Variants in HDAC9 observed in about 807,000 individuals in gnomAD.
The protein encoded by HDAC9 is histone deacetylase 9, also known as MEF-2 interacting transcription repressor (MITR) protein.
A neutral mutation model predicts 139.4 loss-of-function variants in HDAC9; 41 were observed. The ratio of observed to expected loss-of-function variants is 0.29; its 90% CI spans 0.23 to 0.38. The LOEUF is 0.38. Among genes scored for constraint, HDAC9 ranks in the 10% least tolerant of loss-of-function variants. HDAC9 has a pLI of 1.00. For synonymous variants in HDAC9, 517 were observed against 476.2 expected (o/e 1.09, Z -1.12); for missense variants, 1,147 against 1,297.0 (o/e 0.88, Z 1.78).
At position 18,666,303 on chromosome 7, in the gene HDAC9, G is replaced by C; in HGVS notation, c.1558G>C (p.Glu520Gln). 1 of 1,613,486 alleles carries C rather than the reference G, an allele frequency of 6.2e-7. No homozygotes were observed. The change falls in exon 12 of 26, where the codon GAA (glutamate) becomes CAA (glutamine). Residue 520 changes from glutamate to glutamine, a missense_variant. Glu to Gln is a conservative substitution (Grantham distance 29, BLOSUM62 2). Coordinates refer to ENST00000686413, the MANE Select transcript of HDAC9 (RefSeq NM_178425.4). ...EELQGDQAMQ[E>Q]DRAPSSGNST... is the part of the protein sequence containing the mutation. ...GCTTCAGGGGGACCAGGCGATGCAG[G>C]AAGACAGAGCGCCCTCTAGTGGCAA...
chr7:18,712,103 C>G (rs1049791412), intron 12 of HDAC9, among the ~76,000 whole-genome samples: 2 of 152,006 alleles, frequency 1.3e-5, no homozygotes, highest in African/African-American at 4.8e-5. Flanking sequence ...TTGCCCATAG[C>G]CAGTCTTTGA....
At chr7:18,311,273 C>A (rs922362263) in intron 1 of HDAC9, among the ~76,000 whole-genome samples, 6 of 151,958 alleles carry the variant, frequency 3.9e-5, no homozygotes, top group African/African-American at 1.4e-4. Flanking sequence ...TTGAACATAA[C>A]CCCCAATGAA....
At chr7:18,992,375 ACT>A (rs1024238203) in intron 25 of HDAC9, among the ~76,000 whole-genome samples, 89 of 152,348 alleles carry the variant, frequency 5.8e-4, no homozygotes, top group Middle Eastern at 6.8e-3. Flanking sequence ...TAAATACAGT[ACT>A]GAGTGAGAAA....
At chr7:18,137,275 T>C (rs1785494646) in intron 1 of HDAC9, among the ~76,000 whole-genome samples, 2 of 136,110 alleles carry the variant, frequency 1.5e-5, no homozygotes, top group Non-Finnish European at 3.1e-5. Flanking sequence ...CTTCCTCTTT[T>C]CCTAATTGAA....
intron 2 of HDAC9, among the ~76,000 whole-genome samples, chr7:18,268,932 T>C (rs1179028547): frequency 6.6e-6 from 1 of 152,210 alleles, no homozygotes; most frequent in Non-Finnish European, 1.5e-5. Context: ...AGCTGTGCTG[T>C]GGTTATTTGA....
chr7:18,486,038 T>G (rs1795947562), intron 1 of HDAC9, among the ~76,000 whole-genome samples: 1 of 152,132 alleles, frequency 6.6e-6, no homozygotes, highest in Non-Finnish European at 1.5e-5. Context: ...TTGTGTGGCC[T>G]TCTTATTTCA....
rs561275370 is a variant in HDAC9, at chr7:18,585,533, C to A, written c.264+11C>A. 5 of 1,612,244 alleles carry A rather than the reference C, an allele frequency of 3.1e-6. No individual in the cohort carries two copies. The African/African-American group carries it at 6.7e-5, about 21-fold the overall frequency. ...CAGGAGCATATCAAGGTAGCAAATG[C>A]TTCTTTGTCTGTGACCTTACTCAGG... On this transcript the variant is annotated intron_variant, in intron 3 of 25. Transcript: ENST00000686413.
At chr7:18,216,700 G>A (rs1177308243) in intron 2 of HDAC9, among the ~76,000 whole-genome samples, 1 of 152,074 alleles carries the variant, frequency 6.6e-6, no homozygotes, top group South Asian at 2.1e-4. Context: ...AATTGGACAT[G>A]TTTTATTATT....
intron 1 of HDAC9, among the ~76,000 whole-genome samples, chr7:18,331,067 A>AG (rs1800884261): frequency 6.6e-6 from 1 of 151,698 alleles, no homozygotes. Flanking sequence ...TGGGAAACTG[A>AG]TCATAGGTTT....
At chr7:18,211,360 AG>A (rs917066766) in intron 2 of HDAC9, among the ~76,000 whole-genome samples, 3 of 152,210 alleles carry the variant, frequency 2.0e-5, no homozygotes, top group Non-Finnish European at 2.9e-5. Context: ...AGCACATAGT[AG>A]GTGAACTTTG....
intron 1 of HDAC9, among the ~76,000 whole-genome samples, chr7:18,135,102 C>T (rs1041176188): frequency 6.6e-6 from 1 of 151,980 alleles, no homozygotes; most frequent in Non-Finnish European, 1.5e-5. Context: ...AATTATTTTA[C>T]ATCTATTTTC....
rs763429295 is a variant in HDAC9, at chr7:18,666,384, G to T, written c.1639G>T (p.Ala547Ser). ...CVDDTLGQVG[A>S]VKVKEEPVDS... is the part of the protein sequence containing the mutation. The stretch of plus-strand genomic sequence containing the variant: ...GGATGACACACTGGGACAAGTTGGG[G>T]CTGTGAAGGTCAAGGAGGAACCAGT... Residue 547 changes from alanine (A) to serine (S), a missense_variant, in exon 12 of 26, where the codon GCT becomes TCT. This residue lies in a region of HDAC9 where 256 missense variants were observed against 219.2 expected (regional missense o/e 1.17). Coordinates refer to ENST00000686413, the MANE Select transcript of HDAC9 (RefSeq NM_178425.4). 3 of 1,613,250 alleles carry T rather than the reference G, an allele frequency of 1.9e-6. No individual in the cohort carries two copies. Among genetic ancestry groups the T allele is most frequent in the South Asian group, 1.1e-5 (1 of 91,080 alleles).
chr7:18,450,489 G>A (rs1272811933), intron 1 of HDAC9, among the ~76,000 whole-genome samples: 1 of 152,134 alleles, frequency 6.6e-6, no homozygotes, highest in African/African-American at 2.4e-5. Flanking sequence ...CTTATTTTTA[G>A]TCTCCGCCCC....
chr7:18,301,317 A>G (rs1057044596), intron 1 of HDAC9, among the ~76,000 whole-genome samples: 1 of 152,198 alleles, frequency 6.6e-6, no homozygotes, highest in African/African-American at 2.4e-5. Flanking sequence ...AGATGGAGCA[A>G]ATTAATTTAA....
chr7:18,767,971 A>G (rs1361789640), intron 16 of HDAC9, among the ~76,000 whole-genome samples: 2 of 152,192 alleles, frequency 1.3e-5, no homozygotes, highest in Non-Finnish European at 2.9e-5. Context: ...GTTTTGTGAG[A>G]ACTAAATTTG....
intron 12 of HDAC9, among the ~76,000 whole-genome samples, chr7:18,700,912 G>A (rs1486712502): frequency 4.6e-5 from 7 of 152,086 alleles, no homozygotes; most frequent in Non-Finnish European, 1.0e-4. Flanking sequence ...ACATCCCACG[G>A]CCAAGCTCAG....
At chr7:18,933,161 T>G (rs1449238512) in intron 22 of HDAC9, among the ~76,000 whole-genome samples, 1 of 152,110 alleles carries the variant, frequency 6.6e-6, no homozygotes, top group Non-Finnish European at 1.5e-5. Flanking sequence ...CAACAGAAAT[T>G]TATTTCTCAC....
intron 2 of HDAC9, among the ~76,000 whole-genome samples, chr7:18,245,249 G>A (rs1794447242): frequency 6.6e-6 from 1 of 152,108 alleles, no homozygotes; most frequent in Non-Finnish European, 1.5e-5. Context: ...TCCCTTGCAG[G>A]CTGCCAGCAG....
At chr7:18,165,869 A>G (rs984172677) in intron 2 of HDAC9, among the ~76,000 whole-genome samples, 1 of 151,988 alleles carries the variant, frequency 6.6e-6, no homozygotes, top group African/African-American at 2.4e-5. Flanking sequence ...TTTGAGGGGA[A>G]CATTCTAGTG....
Sources: gnomAD v4.1 joint callset for allele counts (sites outside exome capture counted in the v4.1 genomes callset) on GRCh38, gnomAD v4.1.1 for gene constraint, gnomAD v4.1.1 regional missense constraint, MANE v1.5 for transcripts, NCBI Gene and HGNC (gene_info 2026-07-23, HGNC 2026-07-21) for gene names.